The following PTPRD variants were observed in gnomAD, a reference collection of about 807,000 sequenced individuals.
PTPRD encodes receptor-type tyrosine-protein phosphatase delta.
A neutral mutation model predicts 214.5 loss-of-function variants in PTPRD; 34 were observed. The ratio of observed to expected loss-of-function variants is 0.16; its 90% CI spans 0.12 to 0.21. The LOEUF (loss-of-function observed/expected upper bound fraction) is 0.21, where lower values mean the gene tolerates loss of function less well. PTPRD is among the 10% of genes least tolerant of loss of function. The pLI is 1.00. For synonymous variants in PTPRD, 1,128 were observed against 845.7 expected (o/e 1.33, Z -5.79); for missense variants, 2,545 against 2,398.7 (o/e 1.06, Z -1.27).
chr9:8,786,606 G>T (rs1413616129), intron 11 of PTPRD, among the ~76,000 whole-genome samples: 1 of 151,294 alleles, frequency 6.6e-6, no homozygotes, highest in Admixed American at 6.6e-5. Flanking sequence ...GTACAAACGG[G>T]GTTTCACCAC....
intron 2 of PTPRD, among the ~76,000 whole-genome samples, chr9:10,559,824 G>T (rs972727982): frequency 1.3e-5 from 2 of 152,024 alleles, no homozygotes; most frequent in African/African-American, 4.8e-5. Context: ...ACCATCACTG[G>T]CCATCAGAGA....
intron 10 of PTPRD, among the ~76,000 whole-genome samples, chr9:9,044,357 T>C (rs2099662817): frequency 6.6e-6 from 1 of 152,248 alleles, no homozygotes; most frequent in South Asian, 2.1e-4. Context: ...TTGACCACTG[T>C]GAGTGGCCCA....
chr9:9,561,164 G>A (rs967085823), intron 8 of PTPRD, among the ~76,000 whole-genome samples: 3 of 152,050 alleles, frequency 2.0e-5, no homozygotes, highest in Admixed American at 6.6e-5. Flanking sequence ...GATAACAAGC[G>A]GAGTTATACG....
chr9:8,524,949 C>A lies in PTPRD; in HGVS notation c.655G>T (p.Ala219Ser), dbSNP rs771217760. The A allele has an allele frequency of 3.7e-6, 6 of 1,613,314 alleles. No homozygotes were observed. The African/African-American group carries it at 8.0e-5, about 22-fold the overall frequency. ...CCTCTGACATATAAATTGGCAGGAGCGGAATAGCGAGTGCCCGCGCTGTTG... is the reference window on the plus strand; with the variant it reads ...CCTCTGACATATAAATTGGCAGGAGAGGAATAGCGAGTGCCCGCGCTGTTG... ...ATNSAGTRYS[A>S]PANLYVRELR... The change falls in exon 18 of 46, where the codon GCT becomes TCT. Residue 219 changes from alanine (A) to serine (S), a missense_variant. Transcript: ENST00000381196.
At chr9:10,003,087 G>C (rs1223309735) in intron 4 of PTPRD, among the ~76,000 whole-genome samples, 2 of 151,824 alleles carry the variant, frequency 1.3e-5, no homozygotes, top group Non-Finnish European at 3.0e-5. Flanking sequence ...TGAAAGAGGT[G>C]ACATATCAAG....
At chr9:10,540,705 G>C (rs2058916068) in intron 2 of PTPRD, among the ~76,000 whole-genome samples, 1 of 152,112 alleles carries the variant, frequency 6.6e-6, no homozygotes, top group Non-Finnish European at 1.5e-5. Flanking sequence ...AAAAGAATGT[G>C]GTAATTTTTG....
chr9:10,034,381 G>T (rs77129823), intron 3 of PTPRD, among the ~76,000 whole-genome samples: 4,666 of 140,104 alleles, frequency 0.033, 291 homozygotes, highest in African/African-American at 0.12. Context: ...TCTTCTTCTC[G>T]CACTCTGTCT....
intron 2 of PTPRD, among the ~76,000 whole-genome samples, chr9:10,402,773 C>T (rs540062444): frequency 5.9e-5 from 9 of 151,658 alleles, no homozygotes; most frequent in East Asian, 3.9e-4. Context: ...TTTATTGAAA[C>T]GGAATTTTCT....
intron 8 of PTPRD, among the ~76,000 whole-genome samples, chr9:9,514,084 T>C (rs1192053241): frequency 1.3e-5 from 2 of 152,088 alleles, no homozygotes; most frequent in Admixed American, 1.3e-4. Context: ...TCCCTTGTTT[T>C]TGTGCTTTGA....
chr9:9,567,966 G>T (rs1290436516), intron 8 of PTPRD, among the ~76,000 whole-genome samples: 2 of 151,588 alleles, frequency 1.3e-5, no homozygotes, highest in East Asian at 3.9e-4. Flanking sequence ...TTTCTACTGG[G>T]TATCTCGTGC....
chr9:9,520,615 T>C (rs1220432483), intron 8 of PTPRD, among the ~76,000 whole-genome samples: 3 of 152,200 alleles, frequency 2.0e-5, no homozygotes, highest in Admixed American at 1.3e-4. Flanking sequence ...TGAAGGAATA[T>C]GGTCAACAAA....
At chr9:9,661,344 A>AT (rs934411962) in intron 7 of PTPRD, among the ~76,000 whole-genome samples, 1 of 151,866 alleles carries the variant, frequency 6.6e-6, no homozygotes, top group African/African-American at 2.4e-5. Context: ...CTAACTGTAT[A>AT]TTTTTTTAAA....
chr9:8,940,241 T>C (rs1412392653), intron 11 of PTPRD, among the ~76,000 whole-genome samples: 1 of 148,262 alleles, frequency 6.7e-6, no homozygotes. Context: ...GAAGACTAAA[T>C]TGACTAAGGC....
chr9:9,379,442 T>C (rs1160458979), intron 9 of PTPRD, among the ~76,000 whole-genome samples: 1 of 151,852 alleles, frequency 6.6e-6, no homozygotes, highest in African/African-American at 2.4e-5. Flanking sequence ...TACTGTAGCT[T>C]TGTATTAAGT....
intron 3 of PTPRD, among the ~76,000 whole-genome samples, chr9:10,153,146 G>C (rs940998697): frequency 1.3e-5 from 2 of 152,106 alleles, no homozygotes; most frequent in African/African-American, 2.4e-5. Context: ...GAAAGTTGTT[G>C]AGAGTAGATT....
At chr9:9,412,470 C>T (rs765553336) in intron 8 of PTPRD, among the ~76,000 whole-genome samples, 50 of 152,208 alleles carry the variant, frequency 3.3e-4, no homozygotes, top group Non-Finnish European at 3.5e-4. Context: ...AGACTCTCAT[C>T]CCCCAAGGCC....
intron 11 of PTPRD, among the ~76,000 whole-genome samples, chr9:8,829,663 C>G (rs1196075690): frequency 6.6e-6 from 1 of 152,090 alleles, no homozygotes; most frequent in Non-Finnish European, 1.5e-5. Context: ...CTCCTGGGAG[C>G]TCGGTTACTA....
At chr9:10,234,247 T>C (rs1368330484) in intron 3 of PTPRD, among the ~76,000 whole-genome samples, 1 of 151,676 alleles carries the variant, frequency 6.6e-6, no homozygotes, top group Non-Finnish European at 1.5e-5. Flanking sequence ...AAATAAAATA[T>C]GAAGATCCCC....
intron 3 of PTPRD, among the ~76,000 whole-genome samples, chr9:10,177,332 A>G (rs2099254803): frequency 6.6e-6 from 1 of 151,724 alleles, no homozygotes; most frequent in South Asian, 2.1e-4. Context: ...AGTGGCACAG[A>G]TGAAGAGGAC....
Sources: gnomAD v4.1 joint callset for allele counts (sites outside exome capture counted in the v4.1 genomes callset) on GRCh38, gnomAD v4.1.1 for gene constraint, MANE v1.5 for transcripts, NCBI Gene and HGNC (gene_info 2026-07-23, HGNC 2026-07-21) for gene names.